The following IFT52 variants were observed in gnomAD, a reference collection of about 807,000 sequenced individuals.
IFT52 encodes the protein intraflagellar transport 52, also known as intraflagellar transport protein 52 homolog.
In IFT52, 44 loss-of-function variants were observed where a neutral mutation model predicts 54.4. That is an observed-to-expected ratio of 0.81 (90% confidence interval 0.63 to 1.04). IFT52 has a LOEUF of 1.04. IFT52 is among the 50% of genes least tolerant of loss of function. The pLI, the probability that IFT52 is intolerant of heterozygous loss-of-function variation, is 0.00. For synonymous variants in IFT52, 181 were observed against 185.3 expected (o/e 0.98, Z 0.19); for missense variants, 452 against 523.6 (o/e 0.86, Z 1.33).
Position 43,609,960 on chromosome 20 carries a change from A to AT in IFT52, c.486-3889dup, listed in dbSNP as rs1983292779. 4.0e-5 allele frequency among the ~76,000 whole-genome samples: 6 copies of AT among 151,176 alleles called. 1 individual carries two copies. The highest frequency in any genetic ancestry group is 9.7e-5 in the African/African-American group (4 of 41,112). On this transcript the variant is annotated intron_variant, in intron 6 of 13. Coordinates refer to ENST00000373030, the MANE Select transcript of IFT52 (RefSeq NM_016004.5). ...CAAGACTCCGTCTTGAAAAAATAAA[A>AT]TAAAATTAAATTAAATTAAATTAAA...
At chr20:43,621,749 C>T (rs1291320310) in intron 9 of IFT52, among the ~76,000 whole-genome samples, 2 of 152,186 alleles carry the variant, frequency 1.3e-5, no homozygotes, top group Admixed American at 1.3e-4. Context: ...AGGCGTGAGC[C>T]ACTGGGCCCA....
intron 6 of IFT52, among the ~76,000 whole-genome samples, chr20:43,612,377 A>G: frequency 6.6e-6 from 1 of 152,066 alleles, no homozygotes; most frequent in East Asian, 1.9e-4. Flanking sequence ...ATGAGATTTT[A>G]CTGAAGGAAT....
In IFT52 at chr20:43,646,088, G is replaced by C. The variant is rs1029418856; in HGVS notation, c.1267-848G>C. Among the ~76,000 whole-genome samples the C allele has an allele frequency of 1.0e-3, 152 of 151,402 alleles. 2 individuals carry two copies. Among genetic ancestry groups the C allele is most frequent in the Non-Finnish European group, 2.8e-4 (19 of 67,804 alleles). On this transcript the variant is annotated intron_variant, in intron 13 of 13. Coordinates refer to ENST00000373030, the MANE Select transcript of IFT52 (RefSeq NM_016004.5). ...TAGCCGCGCGTGGTGGCGGGCACCT[G>C]TAGTCCCAGCTACTCGGGAGGCTGG...
At chr20:43,593,408 A>G (rs1981686876) in intron 1 of IFT52, among the ~76,000 whole-genome samples, 1 of 152,280 alleles carries the variant, frequency 6.6e-6, no homozygotes, top group African/African-American at 2.4e-5. Flanking sequence ...TTCAATAGAT[A>G]AGAATCTCTA....
intron 12 of IFT52, among the ~76,000 whole-genome samples, chr20:43,640,344 C>G (rs1262567114): frequency 6.6e-6 from 1 of 152,040 alleles, no homozygotes. Context: ...CCTGTAATCC[C>G]AGCTGCTTGG....
At chr20:43,597,750 C>T (rs1982092565) in intron 3 of IFT52, among the ~76,000 whole-genome samples, 1 of 151,886 alleles carries the variant, frequency 6.6e-6, no homozygotes, top group African/African-American at 2.4e-5. Flanking sequence ...AAAAATTAGC[C>T]GGGCGTGATG....
At chr20:43,642,706 G>A in intron 13 of IFT52, 82 bp downstream of exon 13, 2 of 1,371,764 alleles carry the variant, frequency 1.5e-6, no homozygotes, top group Non-Finnish European at 2.0e-6. Context: ...CATGTTTTAT[G>A]ACGTTGATTC....
intron 3 of IFT52, among the ~76,000 whole-genome samples, chr20:43,599,264 T>A (rs1195416084): frequency 6.6e-6 from 1 of 152,124 alleles, no homozygotes; most frequent in Non-Finnish European, 1.5e-5. Flanking sequence ...GCCTGATGTT[T>A]GCCAGGGACC....
chr20:43,604,938 A>G, intron 5 of IFT52, 64 bp from the exon 6 acceptor site: 1 of 1,534,366 alleles, frequency 6.5e-7, no homozygotes, highest in East Asian at 2.3e-5. Flanking sequence ...TGCTGTACTA[A>G]TGAATGCAGT....
At chr20:43,623,858 C>G in intron 9 of IFT52, 33 bp from the exon 10 acceptor site, 1 of 1,606,326 alleles carries the variant, frequency 6.2e-7, no homozygotes, top group Non-Finnish European at 8.5e-7. Context: ...CTTGCTCTTG[C>G]TGTGCTAAAA....
Position 43,637,127 on chromosome 20 carries a change from G to T in IFT52, c.1012-18G>T. 1 of 1,515,388 alleles carries T rather than the reference G, an allele frequency of 6.6e-7. No individual in the cohort carries two copies. Among genetic ancestry groups the T allele is most frequent in the South Asian group, 1.1e-5 (1 of 88,950 alleles). 93.9% of individuals were successfully genotyped at this position (1,515,388 alleles called of 1,614,324 possible). ...TTATCCTCCCTCATTTCTAAATAATGACTTTATTTCCTTTTAGGTTTTTCC... is the reference window on the plus strand; with the variant it reads ...TTATCCTCCCTCATTTCTAAATAATTACTTTATTTCCTTTTAGGTTTTTCC... On this transcript the variant is annotated intron_variant, in intron 11 of 13. Transcript: ENST00000373030.
At chr20:43,624,234 G>T (rs1265675699) in intron 10 of IFT52, 189 bp downstream of exon 10, 5 of 636,226 alleles carry the variant, frequency 7.9e-6, no homozygotes, top group Non-Finnish European at 1.4e-5. Flanking sequence ...ACTGCCAGAG[G>T]TTATTAGCCC....
intron 5 of IFT52, among the ~76,000 whole-genome samples, chr20:43,604,573 C>CT (rs1982710728): frequency 6.6e-6 from 1 of 151,776 alleles, no homozygotes. Flanking sequence ...GAGACTTCAT[C>CT]TCAAAAAAAA....
intron 6 of IFT52, among the ~76,000 whole-genome samples, chr20:43,611,046 T>G (rs957065673): frequency 1.5e-4 from 23 of 152,206 alleles, no homozygotes; most frequent in African/African-American, 5.5e-4. Flanking sequence ...GTTATGACTT[T>G]GTAATTAATT....
rs1438228506 is a variant in IFT52, at chr20:43,644,637, A to G, written c.1266+2013A>G. ...TCTACTAAAAATACAAAAATTAGCC[A>G]GGTGTGGTGGCGTGCACCTGTAGTC... On this transcript the variant is annotated intron_variant, in intron 13 of 13. Transcript: ENST00000373030. Among the ~76,000 whole-genome samples the G allele has an allele frequency of 9.1e-4, 51 of 55,844 alleles. 18 individuals are homozygous for G. The highest frequency in any genetic ancestry group is 2.7e-3 in the African/African-American group (51 of 19,208). The allele number at this position is 55,844 out of a possible 152,430, so 36.6% of individuals were successfully genotyped here. A position where few individuals can be genotyped will look rare whatever the true frequency, so the allele number is the denominator to read the frequency against.
intron 10 of IFT52, among the ~76,000 whole-genome samples, chr20:43,626,072 C>T (rs1984695589): frequency 6.8e-6 from 1 of 147,142 alleles, no homozygotes; most frequent in Non-Finnish European, 1.5e-5. Context: ...AGAAAGACTG[C>T]GAGTAGATTT....
intron 6 of IFT52, among the ~76,000 whole-genome samples, chr20:43,605,419 C>T (rs1982788077): frequency 1.3e-5 from 2 of 152,162 alleles, no homozygotes; most frequent in African/African-American, 2.4e-5. Context: ...TGGTGGTGTG[C>T]ACCTGTAGTC....
chr20:43,595,612 G>A (rs934505250), intron 2 of IFT52, among the ~76,000 whole-genome samples: 1 of 151,930 alleles, frequency 6.6e-6, no homozygotes, highest in Non-Finnish European at 1.5e-5. Flanking sequence ...TGGGCAGGAC[G>A]CGGTGGCTCA....
At chr20:43,607,329 C>T (rs1222905627) in intron 6 of IFT52, among the ~76,000 whole-genome samples, 25 of 151,670 alleles carry the variant, frequency 1.6e-4, no homozygotes, top group South Asian at 4.2e-4. Flanking sequence ...ACCTCCCTCC[C>T]GGACTGGGTG....
Sources: allele counts gnomAD v4.1 joint callset (sites outside exome capture counted in the v4.1 genomes callset), GRCh38; gene constraint gnomAD v4.1.1; transcripts MANE v1.5; gene names NCBI Gene and HGNC (gene_info 2026-07-23, HGNC 2026-07-21).